TRPM8: variants seen among roughly 807,000 people sequenced by gnomAD.
The protein encoded by TRPM8 is transient receptor potential cation channel subfamily M member 8, also known as TRPM8 cationic channel.
Under a neutral mutation model 133.7 loss-of-function variants are expected in TRPM8, and 110 were observed. The ratio of observed to expected loss-of-function variants is 0.82; its 90% CI spans 0.70 to 0.96. TRPM8 has a LOEUF of 0.96. Ranked by LOEUF, TRPM8 falls within the 40% of genes least tolerant of loss-of-function variation. The probability of loss-of-function intolerance (pLI) is 0.00; values close to 1 mark genes in which losing one functional copy is unlikely to be tolerated. For missense variants in TRPM8, 1,291 were observed against 1,379.5 expected (o/e 0.94, Z 1.02); for synonymous variants, 535 against 532.3 (o/e 1.01, Z -0.07).
rs1691484936 is a variant in TRPM8 at position 233,963,302 on chromosome 2, G to T, written c.1674G>T (p.Arg558=). 6.2e-7 allele frequency: 1 copy of T among 1,612,442 alleles called. No homozygotes were observed. The highest frequency in any genetic ancestry group is 8.5e-7 in the Non-Finnish European group (1 of 1,179,094). Residue 558 remains arginine, a synonymous_variant, in exon 13 of 26, where the codon CGG becomes CGT. Transcript: ENST00000324695. Reference sequence around the variant, plus strand: ...CCCAGGACGTGTCTCCTATTACTCGGCACCCCCTGCAAGCTCTCTTCATCT... The same window carrying T: ...CCCAGGACGTGTCTCCTATTACTCGTCACCCCCTGCAAGCTCTCTTCATCT... ...IELHDVSPIT[R]HPLQALFIWA...
At chr2:233,959,075 GA>G (rs1489701573) in intron 11 of TRPM8, among the ~76,000 whole-genome samples, 4 of 152,182 alleles carry the variant, frequency 2.6e-5, no homozygotes, top group African/African-American at 9.7e-5. Context: ...GTCCAGGCTG[GA>G]GTGCAATGGC....
At chr2:233,988,804 G>A (rs1236940884) in intron 21 of TRPM8, among the ~76,000 whole-genome samples, 1 of 152,172 alleles carries the variant, frequency 6.6e-6, no homozygotes, top group African/African-American at 2.4e-5. Flanking sequence ...TCCAAATAGT[G>A]TCCAAAAGTC....
chr2:233,942,549 C>T (rs200062504), intron 5 of TRPM8, 27 bp from the exon 6 acceptor site: 1 of 1,613,784 alleles, frequency 6.2e-7, no homozygotes, highest in South Asian at 1.1e-5. Flanking sequence ...TGCCACTTGA[C>T]CATTTACTCT....
At chr2:233,988,180 C>G (rs901907670) in intron 21 of TRPM8, among the ~76,000 whole-genome samples, 2 of 152,136 alleles carry the variant, frequency 1.3e-5, no homozygotes, top group Admixed American at 6.5e-5. Flanking sequence ...CCCATATGCT[C>G]CTCTTTAAAC....
chr2:233,927,862 C>T lies in TRPM8; in HGVS notation c.117+1208C>T, dbSNP rs866698516. ...TTCCTTCCTTCCTTCCTTTCTTTCT[C>T]TTTCTTTCTTTCTTTCTTTCTTTCT... is the stretch of plus-strand genomic sequence containing the variant. On this transcript the variant is annotated intron_variant, in intron 2 of 25. Transcript: ENST00000324695. 2.6e-3 allele frequency among the ~76,000 whole-genome samples: 81 copies of T among 31,620 alleles called. 12 individuals are homozygous for T. In the Middle Eastern group the frequency reaches 0.033, roughly 13 times the overall value. 20.7% of individuals were successfully genotyped at this position (31,620 alleles called of 152,430 possible).
Position 233,969,725 on chromosome 2 carries a change from A to T in TRPM8, c.2056A>T (p.Ile686Phe). 1 of 1,613,520 alleles carries T rather than the reference A, an allele frequency of 6.2e-7. No homozygotes were observed. The highest frequency in any genetic ancestry group is 8.5e-7 in the Non-Finnish European group (1 of 1,179,594). ...TCTTTCTAAGCAATGGTATGGAGAG[A>T]TTTCCCGAGACACCAAGAACTGGAA... ...NFLSKQWYGE[I>F]SRDTKNWKII... The change falls in exon 16 of 26, where the codon ATT (isoleucine) becomes TTT (phenylalanine). Residue 686 changes from isoleucine (I) to phenylalanine (F), a missense_variant. Ile to Phe is a conservative substitution (Grantham distance 21). This residue lies in a region of TRPM8 where 963 missense variants were observed against 968.9 expected (regional missense o/e 0.99). Coordinates refer to ENST00000324695, the MANE Select transcript of TRPM8 (RefSeq NM_024080.5).
intron 1 of TRPM8, among the ~76,000 whole-genome samples, chr2:233,918,827 A>G (rs1691352919): frequency 6.6e-6 from 1 of 152,200 alleles, no homozygotes; most frequent in African/African-American, 2.4e-5. Context: ...CCCTGCCAAA[A>G]TAAGAGTGGA....
chr2:233,988,691 A>C (rs1306387467), intron 21 of TRPM8, among the ~76,000 whole-genome samples: 1 of 152,138 alleles, frequency 6.6e-6, no homozygotes, highest in Non-Finnish European at 1.5e-5. Flanking sequence ...TGGCCCTAAG[A>C]AGGGAAGGGG....
chr2:234,007,438 G>T (rs749279592), intron 23 of TRPM8, among the ~76,000 whole-genome samples: 1 of 152,184 alleles, frequency 6.6e-6, no homozygotes, highest in Non-Finnish European at 1.5e-5. Context: ...TTTATGAATC[G>T]CATGAAGCTG....
At chr2:233,987,380 T>TTACATTCATAATTTAGAAAAGAA (rs1337828326) in intron 21 of TRPM8, among the ~76,000 whole-genome samples, 3 of 152,240 alleles carry the variant, frequency 2.0e-5, no homozygotes, top group African/African-American at 7.2e-5. Context: ...TGATCACACA[T>TTACATTCATAATTTAGAAAAGAA]TACATTCATA....
intron 14 of TRPM8, 36 bp from the exon 15 acceptor site, chr2:233,966,574 T>C: frequency 6.2e-7 from 1 of 1,613,234 alleles, no homozygotes; most frequent in Non-Finnish European, 8.5e-7. Context: ...TGTGCAGCTC[T>C]TACACCAGCT....
chr2:234,004,303 G>T (rs548011660), intron 22 of TRPM8, among the ~76,000 whole-genome samples: 1 of 152,360 alleles, frequency 6.6e-6, no homozygotes, highest in Admixed American at 6.5e-5. Flanking sequence ...TGGTGTGGCA[G>T]TAATGGGACA....
intron 22 of TRPM8, among the ~76,000 whole-genome samples, chr2:234,001,753 C>T (rs568616094): frequency 1.3e-5 from 2 of 152,338 alleles, no homozygotes; most frequent in South Asian, 4.1e-4. Flanking sequence ...GGGGCTGCAG[C>T]CATGAACAAA....
chr2:233,948,314 GA>G (rs1691092531), intron 8 of TRPM8, among the ~76,000 whole-genome samples: 2 of 152,168 alleles, frequency 1.3e-5, no homozygotes, highest in African/African-American at 4.8e-5. Context: ...TTAAAATAGA[GA>G]TTTTTTTTCA....
chr2:233,984,174 C>T (rs770322787), intron 20 of TRPM8, among the ~76,000 whole-genome samples: 10 of 152,146 alleles, frequency 6.6e-5, no homozygotes, highest in Non-Finnish European at 1.0e-4. Context: ...TGTGTGCCCC[C>T]GGGAAGTGAC....
intron 25 of TRPM8, among the ~76,000 whole-genome samples, chr2:234,015,988 C>G (rs1692947102): frequency 6.6e-6 from 1 of 152,132 alleles, no homozygotes; most frequent in Non-Finnish European, 1.5e-5. Context: ...AGAAGAGAGT[C>G]AGATTCAGAC....
chr2:233,981,796 T>A lies in TRPM8; in HGVS notation c.2470T>A (p.Ser824Thr). The stretch of plus-strand genomic sequence containing the variant: ...TAGGCTCCACTCTTCTAATAAAAGC[T>A]CTTTGTATTCTGGACGAGTCATTTT... ...VFRLHSSNKSSLYSGRVIFCL... is the reference protein window; with the variant it reads ...VFRLHSSNKSTLYSGRVIFCL... Residue 824 changes from serine (S) to threonine (T), a missense_variant, in exon 19 of 26, where the codon TCT becomes ACT. Ser to Thr is a moderately conservative substitution (Grantham distance 58). Around this residue, in one of 2 missense-constraint regions of TRPM8, gnomAD observed 328 missense variants for 410.6 expected, o/e 0.80. Coordinates refer to ENST00000324695, the MANE Select transcript of TRPM8 (RefSeq NM_024080.5). 1 of 1,612,514 alleles carries A rather than the reference T, an allele frequency of 6.2e-7. No individual in the cohort carries two copies. The highest frequency in any genetic ancestry group is 8.5e-7 in the Non-Finnish European group (1 of 1,179,470).
Position 233,960,999 on chromosome 2 carries a change from C to T in TRPM8, c.1586C>T (p.Ala529Val), listed in dbSNP as rs544116828. The T allele has an allele frequency of 3.7e-5, 60 of 1,614,126 alleles. 1 individual carries two copies. Among genetic ancestry groups the T allele is most frequent in the Middle Eastern group, 1.7e-4 (1 of 6,060 alleles). Residue 529 changes from alanine (A) to valine (V), a missense_variant, in exon 12 of 26, where the codon GCG becomes GTG. This residue lies in a region of TRPM8 where 963 missense variants were observed against 968.9 expected (regional missense o/e 0.99). Transcript: ENST00000324695. ...CTCACGTTTGTCTGGAAACTGGTTG[C>T]GAACTTCCGAAGAGGCTTCCGGAAG... ...ALLTFVWKLV[A>V]NFRRGFRKED...
chr2:233,964,289 C>T (rs1316130366), intron 13 of TRPM8, among the ~76,000 whole-genome samples: 3 of 152,108 alleles, frequency 2.0e-5, no homozygotes, highest in African/African-American at 4.8e-5. Flanking sequence ...TGGTGGCTCA[C>T]ACCTGTAATC....
Sources: gnomAD v4.1 joint callset for allele counts (sites outside exome capture counted in the v4.1 genomes callset) on GRCh38, gnomAD v4.1.1 for gene constraint, gnomAD v4.1.1 regional missense constraint, MANE v1.5 for transcripts, NCBI Gene and HGNC (gene_info 2026-07-23, HGNC 2026-07-21) for gene names.